RPL10A: variants seen among roughly 807,000 people sequenced by gnomAD.
RPL10A encodes the protein ribosomal protein L10a.
RPL10A carries 11 observed loss-of-function variants against 24.6 expected under a neutral mutation model. The observed-to-expected ratio is 0.45, with a 90% CI of 0.28 to 0.74. The LOEUF (loss-of-function observed/expected upper bound fraction) is 0.74, where lower values mean the gene tolerates loss of function less well. Ranked by LOEUF, RPL10A falls within the 30% of genes least tolerant of loss-of-function variation. The pLI, the probability that RPL10A is intolerant of heterozygous loss-of-function variation, is 0.13. For missense variants in RPL10A, 136 were observed against 273.1 expected, an observed-to-expected ratio of 0.50 and a Z score of 3.54; for synonymous variants, 98 against 108.5, an observed-to-expected ratio of 0.90 and a Z score of 0.60.
In RPL10A at chr6:35,470,366, C is replaced by T. The variant is rs1297266807; in HGVS notation, c.483+15C>T. ...AAATGAAGAAGGTGAGTGGGTCTGG[C>T]GGGTTGCTATGGGTGAAGGTGTTGG... On this transcript the variant is annotated intron_variant, in intron 5 of 5. Transcript: ENST00000322203. The surrounding 1 kb of genome is among the most constrained non-coding windows in gnomAD (Gnocchi z 4.6). 3.1e-6 allele frequency: 5 copies of T among 1,597,330 alleles called. No individual in the cohort carries two copies. Among genetic ancestry groups the T allele is most frequent in the South Asian group, 1.1e-5 (1 of 90,738 alleles).
chr6:35,469,966 T>C (rs1328693931), intron 4 of RPL10A, among the ~76,000 whole-genome samples: 7 of 151,942 alleles, frequency 4.6e-5, no homozygotes, highest in African/African-American at 7.3e-5. Context: ...GTCAGCCTGG[T>C]TTTCTGAGAG....
At chr6:35,469,314 G>T in intron 3 of RPL10A, 67 bp from the exon 4 acceptor site, 1 of 1,525,396 alleles carries the variant, frequency 6.6e-7, no homozygotes, top group Non-Finnish European at 8.8e-7. Context: ...TGCGGTCCCA[G>T]ACCCTTCACC....
In RPL10A at chr6:35,469,258, T is replaced by A. The variant is rs560367056; in HGVS notation, c.162-123T>A. Reference sequence around the variant, plus strand: ...CGCCGGCCAGCCTGAGAAGCCAGGCTGGCTGCTGGTGAATGTGAACGCTCC... The same window carrying A: ...CGCCGGCCAGCCTGAGAAGCCAGGCAGGCTGCTGGTGAATGTGAACGCTCC... On this transcript the variant is annotated intron_variant, in intron 3 of 5. Coordinates refer to ENST00000322203, the MANE Select transcript of RPL10A (RefSeq NM_007104.5). 644 of 1,501,502 alleles carry A rather than the reference T, an allele frequency of 4.3e-4. 4 individuals are homozygous for A. In the South Asian group the frequency reaches 7.5e-3, roughly 17 times the overall value. The allele number at this position is 1,501,502 out of a possible 1,614,324, so 93.0% of individuals were successfully genotyped here.
At chr6:35,468,643 G>C (rs966533619) in intron 1 of RPL10A, 156 bp from the exon 2 acceptor site, 3 of 1,517,158 alleles carry the variant, frequency 2.0e-6, no homozygotes, top group East Asian at 2.5e-5. Flanking sequence ...TTGGGTCTGG[G>C]TCTGAGCTCC....
intron 1 of RPL10A, 76 bp from the exon 2 acceptor site, chr6:35,468,723 A>C (rs1767922633): frequency 1.3e-6 from 2 of 1,545,704 alleles, no homozygotes; most frequent in South Asian, 2.4e-5. Context: ...CTCGAAGCCT[A>C]GACCTCGGAG....
chr6:35,468,450 C>G lies in RPL10A; in HGVS notation c.5+11C>G. 6.2e-7 allele frequency: 1 copy of G among 1,614,034 alleles called. No individual in the cohort carries two copies. The highest frequency in any genetic ancestry group is 8.5e-7 in the Non-Finnish European group (1 of 1,179,914). ...GTGAGAAGCCATGAGGTGAGTTGGT[C>G]CTGAAAGCCCTATCCGCGTTCATCC... On this transcript the variant is annotated intron_variant, in intron 1 of 5. Coordinates refer to ENST00000322203, the MANE Select transcript of RPL10A (RefSeq NM_007104.5).
rs1311667372 is a variant in RPL10A at position 35,470,379 on chromosome 6, G to A, written c.483+28G>A. ...GAGTGGGTCTGGCGGGTTGCTATGG[G>A]TGAAGGTGTTGGCAGGGTCTAAATC... is the stretch of plus-strand genomic sequence containing the variant. On this transcript the variant is annotated intron_variant, in intron 5 of 5. Coordinates refer to ENST00000322203, the MANE Select transcript of RPL10A (RefSeq NM_007104.5). This position sits in a 1 kb window ranked among gnomAD's most constrained non-coding sequence, Gnocchi z 4.6. The A allele has an allele frequency of 6.3e-7, 1 of 1,594,204 alleles. No individual in the cohort carries two copies.
Position 35,468,798 on chromosome 6 carries a change from G to A in RPL10A, c.6-1G>A. The A allele has an allele frequency of 1.3e-6, 2 of 1,596,382 alleles. No individual in the cohort carries two copies. The highest frequency in any genetic ancestry group is 1.7e-4 in the Middle Eastern group (1 of 6,044). On this transcript the variant is annotated splice_acceptor_variant, in intron 1 of 5. Coordinates refer to ENST00000322203, the MANE Select transcript of RPL10A (RefSeq NM_007104.5). LOFTEE classifies it high-confidence loss of function. The stretch of plus-strand genomic sequence containing the variant: ...AGCGCCCTGTCGCTTCTCTCCCGCA[G>A]CAGCAAAGTCTCTCGCGACACCCTG...
In RPL10A at chr6:35,468,451, C is replaced by G. The variant is rs745785978; in HGVS notation, c.5+12C>G. ...TGAGAAGCCATGAGGTGAGTTGGTC[C>G]TGAAAGCCCTATCCGCGTTCATCCG... On this transcript the variant is annotated intron_variant, in intron 1 of 5. Coordinates refer to ENST00000322203, the MANE Select transcript of RPL10A (RefSeq NM_007104.5). The G allele has an allele frequency of 3.1e-6, 5 of 1,614,044 alleles. No homozygotes were observed. The highest frequency in any genetic ancestry group is 4.2e-6 in the Non-Finnish European group (5 of 1,179,918).
Position 35,470,483 on chromosome 6 carries a change from G to GTCC in RPL10A, c.484-96_484-94dup, listed in dbSNP as rs1768010600. 6.7e-7 allele frequency: 1 copy of GTCC among 1,497,526 alleles called. No homozygotes were observed. Among genetic ancestry groups the GTCC allele is most frequent in the South Asian group, 1.3e-5 (1 of 79,512 alleles). The allele number at this position is 1,497,526 out of a possible 1,614,324, so 92.8% of individuals were successfully genotyped here. On this transcript the variant is annotated intron_variant, in intron 5 of 5. Transcript: ENST00000322203. This position sits in a 1 kb window ranked among gnomAD's most constrained non-coding sequence, Gnocchi z 4.6. The stretch of plus-strand genomic sequence containing the variant: ...TGGAGTAACCCTGGTCTTGGCCCGG[G>GTCC]TCCAAGTACCTGCTCACCAGGCCAC...
chr6:35,469,634 A>C (rs1767982453), intron 4 of RPL10A, 105 bp downstream of exon 4: 2 of 1,332,098 alleles, frequency 1.5e-6, no homozygotes, highest in Non-Finnish European at 2.0e-6. Flanking sequence ...CTAGAATAGC[A>C]AAGGATCGGC....
At position 35,469,548 on chromosome 6, in the gene RPL10A, G is replaced by GT; in HGVS notation, c.310+23dup. 1 of 1,608,936 alleles carries GT rather than the reference G, an allele frequency of 6.2e-7. No homozygotes were observed. The highest frequency in any genetic ancestry group is 8.5e-7 in the Non-Finnish European group (1 of 1,177,818). On this transcript the variant is annotated intron_variant, in intron 4 of 5. Transcript: ENST00000322203. ...AAGCTGGGTGAGTCCGGCCGCTGTGGTTTTGCATGTGAGATGTGTGGTGGG... is the reference window on the plus strand; with the variant it reads ...AAGCTGGGTGAGTCCGGCCGCTGTGGTTTTTGCATGTGAGATGTGTGGTGGG...
chr6:35,468,419 C>T lies in RPL10A; in HGVS notation c.-16C>T, dbSNP rs373878090. 1.1e-4 allele frequency: 179 copies of T among 1,614,038 alleles called. 1 individual carries two copies. In the African/African-American group the frequency reaches 1.9e-3, roughly 17 times the overall value. On this transcript the variant is annotated 5_prime_UTR_variant, in exon 1 of 6. Coordinates refer to ENST00000322203, the MANE Select transcript of RPL10A (RefSeq NM_007104.5). ...ACATGCTAGTCTCTTTTCCGGTTAG[C>T]GCGGCGTGAGAAGCCATGAGGTGAG... is the stretch of plus-strand genomic sequence containing the variant.
Position 35,470,529 on chromosome 6 carries a change from A to G in RPL10A, c.484-51A>G, listed in dbSNP as rs751280094. 1.3e-6 allele frequency: 2 copies of G among 1,570,906 alleles called. No homozygotes were observed. Among genetic ancestry groups the G allele is most frequent in the Non-Finnish European group, 1.7e-6 (2 of 1,146,820 alleles). ...GCCACTGGGGGAGGAAGGACAGGCC[A>G]TCTGCTATTCGTCCACCAACCTGAC... is the stretch of plus-strand genomic sequence containing the variant. On this transcript the variant is annotated intron_variant, in intron 5 of 5. Transcript: ENST00000322203. The surrounding 1 kb of genome is among the most constrained non-coding windows in gnomAD (Gnocchi z 4.6).
intron 3 of RPL10A, 103 bp downstream of exon 3, chr6:35,469,130 C>T (rs1290461827): frequency 5.1e-5 from 79 of 1,545,652 alleles, no homozygotes; most frequent in Non-Finnish European, 6.1e-5. Flanking sequence ...TACTGATGTG[C>T]TAGGGTAGTT....
Position 35,470,096 on chromosome 6 carries a change from A to G in RPL10A, c.311-83A>G. ...GGAGGTCACTTACATGATTGATTCA[A>G]GTGCGTTTCTGGCCTGCCACATTTG... On this transcript the variant is annotated intron_variant, in intron 4 of 5. Coordinates refer to ENST00000322203, the MANE Select transcript of RPL10A (RefSeq NM_007104.5). This position sits in a 1 kb window ranked among gnomAD's most constrained non-coding sequence, Gnocchi z 4.6. 2 of 1,301,752 alleles carry G rather than the reference A, an allele frequency of 1.5e-6. No individual in the cohort carries two copies. Among genetic ancestry groups the G allele is most frequent in the Non-Finnish European group, 2.2e-6 (2 of 926,126 alleles). The allele number at this position is 1,301,752 out of a possible 1,614,324, so 80.6% of individuals were successfully genotyped here.
intron 1 of RPL10A, 131 bp from the exon 2 acceptor site, chr6:35,468,668 G>T: frequency 6.6e-7 from 1 of 1,517,354 alleles, no homozygotes; most frequent in Non-Finnish European, 8.8e-7. Context: ...GCTCTACTTG[G>T]TGTCCGGAAT....
intron 3 of RPL10A, 64 bp from the exon 4 acceptor site, chr6:35,469,317 C>A: frequency 6.6e-7 from 1 of 1,525,940 alleles, no homozygotes. Flanking sequence ...GGTCCCAGAC[C>A]CTTCACCGGC....
chr6:35,470,188 A>C lies in RPL10A; in HGVS notation c.320A>C (p.Tyr107Ser). Residue 107 changes from tyrosine (Y) to serine (S), a missense_variant, in exon 5 of 6, where the codon TAT (tyrosine) becomes TCT (serine). Physicochemically the swap from Tyr to Ser is moderately radical, Grantham distance 144. This residue lies in a region of RPL10A where 88 missense variants were observed against 149.2 expected (regional missense o/e 0.59). Transcript: ENST00000322203. This position sits in a 1 kb window ranked among gnomAD's most constrained non-coding sequence, Gnocchi z 4.6. ...KKLVKKLAKKYDAFLASESLI... is the reference protein window; with the variant it reads ...KKLVKKLAKKSDAFLASESLI... The stretch of plus-strand genomic sequence containing the variant: ...TTCCTCTCTCTATCAGCCAAGAAGT[A>C]TGATGCGTTTTTGGCCTCAGAGTCT... 6.2e-7 allele frequency: 1 copy of C among 1,613,354 alleles called. No homozygotes were observed. Among genetic ancestry groups the C allele is most frequent in the African/African-American group, 1.3e-5 (1 of 75,036 alleles).
Sources: allele counts gnomAD v4.1 joint callset (sites outside exome capture counted in the v4.1 genomes callset), GRCh38; gene constraint gnomAD v4.1.1; regional missense constraint gnomAD v4.1.1; non-coding constraint Gnocchi (gnomAD v3.1); transcripts MANE v1.5; gene names NCBI Gene and HGNC (gene_info 2026-07-23, HGNC 2026-07-21).